Variants in AK8 observed in about 807,000 individuals in gnomAD.
AK8 encodes ATP-AMP transphosphorylase 8.
Under a neutral mutation model 54.6 loss-of-function variants are expected in AK8, and 44 were observed. The ratio of observed to expected loss-of-function variants is 0.81; its 90% CI spans 0.63 to 1.04. The LOEUF (loss-of-function observed/expected upper bound fraction) is 1.04. Among genes scored for constraint, AK8 ranks in the 50% least tolerant of loss-of-function variants. The probability of loss-of-function intolerance (pLI) is 0.00; values close to 1 mark genes in which losing one functional copy is unlikely to be tolerated. For missense variants in AK8, 555 were observed against 613.6 expected (o/e 0.90, Z 1.01); for synonymous variants, 239 against 245.6 (o/e 0.97, Z 0.25).
Position 132,726,377 on chromosome 9 carries a change from C to T in AK8, c.1203-452G>A, listed in dbSNP as rs1033411562. Among the ~76,000 whole-genome samples, 6 of 151,750 alleles carry T rather than the reference C, an allele frequency of 4.0e-5. No homozygotes were observed. In the South Asian group the frequency reaches 6.3e-4, roughly 16 times the overall value. On this transcript the variant is annotated intron_variant, in intron 12 of 12. Coordinates refer to ENST00000298545, the MANE Select transcript of AK8 (RefSeq NM_152572.3). ...TTGCCCAGGCTGGAGTGCAGTGGCG[C>T]GATCTTCGCTCACCACAACCTCTGC...
intron 5 of AK8, among the ~76,000 whole-genome samples, chr9:132,839,685 A>T (rs1195660057): frequency 6.6e-6 from 1 of 152,110 alleles, no homozygotes; most frequent in African/African-American, 2.4e-5. Flanking sequence ...AAGGAAGAAG[A>T]ATGAGGAGAC....
At chr9:132,876,875 A>G (rs1040116336) in intron 1 of AK8, among the ~76,000 whole-genome samples, 1 of 152,062 alleles carries the variant, frequency 6.6e-6, no homozygotes, top group African/African-American at 2.4e-5. Context: ...TCCGGGCAAC[A>G]TAGCAAGACC....
At chr9:132,793,985 T>A (rs368729241) in intron 10 of AK8, among the ~76,000 whole-genome samples, 2 of 152,268 alleles carry the variant, frequency 1.3e-5, no homozygotes, top group East Asian at 3.9e-4. Context: ...CCCCCCAGGC[T>A]GACAGCCAGG....
chr9:132,835,925 A>G (rs1236461327), intron 5 of AK8, among the ~76,000 whole-genome samples: 1 of 152,096 alleles, frequency 6.6e-6, no homozygotes, highest in Non-Finnish European at 1.5e-5. Context: ...AGAGTTCGAG[A>G]CCAGCCTGAT....
At chr9:132,792,478 C>G (rs73546989) in intron 11 of AK8, among the ~76,000 whole-genome samples, 156 bp downstream of exon 11, 1 of 152,202 alleles carries the variant, frequency 6.6e-6, no homozygotes, top group Admixed American at 6.5e-5. Flanking sequence ...CCTAGTCCAC[C>G]GGGCAGATGG....
intron 5 of AK8, among the ~76,000 whole-genome samples, chr9:132,829,352 A>G (rs932314235): frequency 6.6e-6 from 1 of 152,170 alleles, no homozygotes; most frequent in Non-Finnish European, 1.5e-5. Flanking sequence ...ACGGCTGTGC[A>G]ATGTCCCACC....
intron 11 of AK8, among the ~76,000 whole-genome samples, chr9:132,785,914 C>T (rs917886151): frequency 2.0e-5 from 3 of 152,132 alleles, no homozygotes; most frequent in African/African-American, 4.8e-5. Flanking sequence ...TCTTGAAACC[C>T]GCACCAGATT....
chr9:132,870,929 G>A (rs1042017009), intron 2 of AK8, among the ~76,000 whole-genome samples: 2 of 152,218 alleles, frequency 1.3e-5, no homozygotes, highest in Admixed American at 6.5e-5. Context: ...TAGCTGATTC[G>A]AGGCTTCTCC....
chr9:132,737,700 T>C (rs1443137519), intron 11 of AK8, among the ~76,000 whole-genome samples: 1 of 152,104 alleles, frequency 6.6e-6, no homozygotes, highest in Non-Finnish European at 1.5e-5. Context: ...CTCAGCAAAC[T>C]AGAAATAGAA....
chr9:132,853,373 GAAAAGAAAAGGAA>G (rs1289886947), intron 5 of AK8, among the ~76,000 whole-genome samples: 5 of 127,798 alleles, frequency 3.9e-5, no homozygotes, highest in Non-Finnish European at 8.5e-5. Flanking sequence ...AAAAAAAAAA[GAAAAGAAAAGGAA>G]AAAAGAAAAC....
At chr9:132,738,695 T>C (rs1030150274) in intron 11 of AK8, among the ~76,000 whole-genome samples, 5 of 151,404 alleles carry the variant, frequency 3.3e-5, no homozygotes, top group Admixed American at 2.0e-4. Flanking sequence ...ATCCAGGAGA[T>C]ACACTTGGTC....
chr9:132,863,608 G>GT (rs1357605001), intron 4 of AK8, 57 bp downstream of exon 4: 1 of 1,195,124 alleles, frequency 8.4e-7, no homozygotes, highest in Non-Finnish European at 1.2e-6. Flanking sequence ...GTGGCAGTGG[G>GT]TGTGGCAGTG....
intron 5 of AK8, among the ~76,000 whole-genome samples, chr9:132,831,946 C>T (rs566086633): frequency 3.8e-4 from 58 of 151,464 alleles, no homozygotes; most frequent in Non-Finnish European, 6.5e-4. Context: ...CCTGTAATCC[C>T]AGCTACTTGG....
At chr9:132,849,368 G>A (rs536745394) in intron 5 of AK8, among the ~76,000 whole-genome samples, 7 of 152,322 alleles carry the variant, frequency 4.6e-5, no homozygotes, top group East Asian at 3.9e-4. Flanking sequence ...GAGCACAGCC[G>A]TGCCCTTTTG....
Position 132,783,605 on chromosome 9 carries a change from GA to G in AK8, c.1121+9028del, listed in dbSNP as rs1839572101. Among the ~76,000 whole-genome samples the G allele has an allele frequency of 1.3e-5, 2 of 150,908 alleles. 1 individual carries two copies. The highest frequency in any genetic ancestry group is 4.2e-4 in the South Asian group (2 of 4,786). The stretch of plus-strand genomic sequence containing the variant: ...AAAAAAAAAAAGAGAGAGAGACAAT[GA>G]ATACCTGTTAGAAAATGAATTACTC... On this transcript the variant is annotated intron_variant, in intron 11 of 12. Coordinates refer to ENST00000298545, the MANE Select transcript of AK8 (RefSeq NM_152572.3).
chr9:132,725,940 G>A lies in AK8; in HGVS notation c.1203-15C>T. ...TGAGGTGGTACCTGCAAGGGAGGAA[G>A]GAAAGCAGGTGACCCATGGCCTGGC... On this transcript the variant is annotated splice_polypyrimidine_tract_variant and intron_variant, in intron 12 of 12. Transcript: ENST00000298545. The A allele has an allele frequency of 6.2e-7, 1 of 1,605,534 alleles. No homozygotes were observed. The highest frequency in any genetic ancestry group is 8.5e-7 in the Non-Finnish European group (1 of 1,175,284).
chr9:132,778,513 C>A (rs757641832), intron 11 of AK8, among the ~76,000 whole-genome samples: 27 of 152,220 alleles, frequency 1.8e-4, no homozygotes, highest in South Asian at 6.2e-4. Context: ...GGCAAGAAAC[C>A]CTCTCTACTT....
At chr9:132,810,145 T>C (rs1840927325) in intron 10 of AK8, among the ~76,000 whole-genome samples, 1 of 152,360 alleles carries the variant, frequency 6.6e-6, no homozygotes. Context: ...TCAGGATTAG[T>C]GAAATGACAG....
chr9:132,868,013 A>T (rs143526436), intron 2 of AK8, among the ~76,000 whole-genome samples: 11 of 152,348 alleles, frequency 7.2e-5, no homozygotes, highest in African/African-American at 2.6e-4. Context: ...CTGCCTGCTC[A>T]ACACCATCTT....
Sources: allele counts gnomAD v4.1 joint callset (sites outside exome capture counted in the v4.1 genomes callset), GRCh38; gene constraint gnomAD v4.1.1; transcripts MANE v1.5; gene names NCBI Gene and HGNC (gene_info 2026-07-23, HGNC 2026-07-21).